The following OTX1 variants were observed in gnomAD, a reference collection of about 807,000 sequenced individuals.
OTX1 encodes homeobox protein OTX1.
A neutral mutation model predicts 26.7 loss-of-function variants in OTX1; 7 were observed. The ratio of observed to expected loss-of-function variants is 0.26; its 90% CI spans 0.15 to 0.49. OTX1 has a LOEUF of 0.49. Among genes scored for constraint, OTX1 ranks in the 20% least tolerant of loss-of-function variants. OTX1 has a pLI of 0.98. For missense variants in OTX1, 414 were observed against 483.8 expected, an observed-to-expected ratio of 0.86 and a Z score of 1.35; for synonymous variants, 216 against 212.8, an observed-to-expected ratio of 1.01 and a Z score of -0.13.
chr2:63,050,273 G>C (rs571573492), upstream of OTX1: 7 of 152,338 alleles, frequency 4.6e-5, no homozygotes, highest in South Asian at 2.1e-4. Flanking sequence ...GCGCCGGCAC[G>C]AGCAGCCCGC....
intron 4 of OTX1, 69 bp downstream of exon 4, chr2:63,054,267 C>A: frequency 6.8e-7 from 1 of 1,460,146 alleles, no homozygotes; most frequent in Non-Finnish European, 9.1e-7. Flanking sequence ...TCTAGGAAGG[C>A]TCTTGAGTAG....
chr2:63,050,859 T>C lies in OTX1; in HGVS notation c.-219T>C, dbSNP rs1290503944. ...AATCTTCATCAGGCTACATTTCCAA[T>C]CACCTAAACAACCGAGCAAGACAAG... On this transcript the variant is annotated 5_prime_UTR_variant, in exon 1 of 5. Transcript: ENST00000282549. 1 of 152,184 alleles carries C rather than the reference T, an allele frequency of 6.6e-6. No individual in the cohort carries two copies. The highest frequency in any genetic ancestry group is 2.4e-5 in the African/African-American group (1 of 41,428). 9.4% of individuals were successfully genotyped at this position (152,184 alleles called of 1,614,324 possible).
Position 63,055,587 on chromosome 2 carries a change from C to T in OTX1, c.336C>T (p.Ser112=). 6.2e-7 allele frequency: 1 copy of T among 1,614,174 alleles called. No homozygotes were observed. Residue 112 remains serine (S), a synonymous_variant, in exon 5 of 5, where the codon TCC becomes TCT. Transcript: ENST00000282549. The surrounding 1 kb of genome is among the most constrained non-coding windows in gnomAD (Gnocchi z 5.2). ...GTKSRPAKKK[S]SPVRESSGSE... is the part of the protein sequence containing the mutation. ...AGAGCCGCCCAGCCAAGAAGAAGTC[C>T]TCTCCAGTGCGGGAGAGCTCGGGCT...
chr2:63,053,963 G>A, intron 3 of OTX1, 84 bp from the exon 4 acceptor site: 1 of 1,479,902 alleles, frequency 6.8e-7, no homozygotes, highest in Non-Finnish European at 9.1e-7. Context: ...CCGAGATCTG[G>A]GCCTGCCAGG....
In OTX1 at chr2:63,057,236, C is replaced by CT. The variant is rs2062075326; in HGVS notation, c.*925dup. On this transcript the variant is annotated 3_prime_UTR_variant, in exon 5 of 5. Transcript: ENST00000282549. ...TTCTGCTCTTCCTCAATCAATGGCG[C>CT]TTTTTCTTTTTCAGTTGTTGCAAAG... 1 of 152,194 alleles carries CT rather than the reference C, an allele frequency of 6.6e-6. No individual in the cohort carries two copies. The highest frequency in any genetic ancestry group is 1.5e-5 in the Non-Finnish European group (1 of 68,064). 9.4% of individuals were successfully genotyped at this position (152,194 alleles called of 1,614,324 possible). A position where few individuals can be genotyped will look rare whatever the true frequency, so the allele number is the denominator to read the frequency against.
chr2:63,055,809 A>T lies in OTX1; in HGVS notation c.558A>T (p.Ser186=), dbSNP rs1342640997. 2 of 1,612,238 alleles carry T rather than the reference A, an allele frequency of 1.2e-6. No individual in the cohort carries two copies. Among genetic ancestry groups the T allele is most frequent in the Non-Finnish European group, 1.7e-6 (2 of 1,179,676 alleles). The change falls in exon 5 of 5, where the codon TCA becomes TCT. Residue 186 remains serine, a synonymous_variant. Transcript: ENST00000282549. The surrounding 1 kb of genome is among the most constrained non-coding windows in gnomAD (Gnocchi z 5.2). ...IWSPASISPG[S]APASVSVPEP... is the part of the protein sequence containing the mutation. ...GCCCGGCCTCCATCTCGCCAGGCTC[A>T]GCGCCCGCGTCCGTGTCGGTGCCGG...
At chr2:63,052,365 C>A (rs750560853) in intron 2 of OTX1, among the ~76,000 whole-genome samples, 5 of 152,256 alleles carry the variant, frequency 3.3e-5, no homozygotes, top group Admixed American at 6.5e-5. Context: ...AGGGGCGCAG[C>A]CCTGGAGACC....
In OTX1 at chr2:63,055,361, G is replaced by C; in HGVS notation, c.250-140G>C. ...CGAGGTAGGGGGCAGGGTCTGGCCA[G>C]GCCAGAGACAGGAAGGGGCGGAGGC... On this transcript the variant is annotated intron_variant, in intron 4 of 4. Coordinates refer to ENST00000282549, the MANE Select transcript of OTX1 (RefSeq NM_014562.4). This position sits in a 1 kb window ranked among gnomAD's most constrained non-coding sequence, Gnocchi z 5.2. 1.1e-6 allele frequency: 1 copy of C among 894,076 alleles called. No individual in the cohort carries two copies. The highest frequency in any genetic ancestry group is 1.7e-6 in the Non-Finnish European group (1 of 598,330). 55.4% of individuals were successfully genotyped at this position (894,076 alleles called of 1,614,324 possible). A position where few individuals can be genotyped will look rare whatever the true frequency, so the allele number is the denominator to read the frequency against.
Position 63,056,128 on chromosome 2 carries a change from C to CACG in OTX1, c.879_880insGAC (p.His293_His294insAsp). 1.9e-6 allele frequency: 3 copies of CACG among 1,613,874 alleles called. No homozygotes were observed. Among genetic ancestry groups the CACG allele is most frequent in the Non-Finnish European group, 2.5e-6 (3 of 1,179,958 alleles). ...CCCGTTGAGCCAGTCCTCAGGCCACCACCACCACCATCACCACCACCACCA... is the reference window on the plus strand; with the variant it reads ...CCCGTTGAGCCAGTCCTCAGGCCACCACGACCACCACCATCACCACCACCACCA... On this transcript the variant is annotated inframe_insertion, in exon 5 of 5. Transcript: ENST00000282549.
At position 63,056,518 on chromosome 2, in the gene OTX1, C is replaced by A; in HGVS notation, c.*202C>A. ...GGGGATGTGCAAACCCACCCTGCCC[C>A]TTGGATGGGGGGACCGGTGCTTCGG... On this transcript the variant is annotated 3_prime_UTR_variant, in exon 5 of 5. Transcript: ENST00000282549. 1.6e-6 allele frequency: 1 copy of A among 606,288 alleles called. No homozygotes were observed. The highest frequency in any genetic ancestry group is 2.9e-6 in the Non-Finnish European group (1 of 343,240). The allele number at this position is 606,288 out of a possible 1,614,324, so 37.6% of individuals were successfully genotyped here. A position where few individuals can be genotyped will look rare whatever the true frequency, so the allele number is the denominator to read the frequency against.
Position 63,056,394 on chromosome 2 carries a change from G to A in OTX1, c.*78G>A, listed in dbSNP as rs2062068297. 7.9e-7 allele frequency: 1 copy of A among 1,260,028 alleles called. No homozygotes were observed. Among genetic ancestry groups the A allele is most frequent in the Non-Finnish European group, 1.1e-6 (1 of 896,684 alleles). 78.1% of individuals were successfully genotyped at this position (1,260,028 alleles called of 1,614,324 possible). On this transcript the variant is annotated 3_prime_UTR_variant, in exon 5 of 5. Transcript: ENST00000282549. ...CCGATCCTGTTGCTGCTGCTGCACCGCCCGCCTTTGCCTCGTCTTCTCCAA... is the reference window on the plus strand; with the variant it reads ...CCGATCCTGTTGCTGCTGCTGCACCACCCGCCTTTGCCTCGTCTTCTCCAA...
rs1391734982 is a variant in OTX1, at chr2:63,055,488, C to T, written c.250-13C>T. ...TCCCTTTGACCCACTCTCCCCCATCCGGCCCACTGCAGGTCTGGTTCAAGA... is the reference window on the plus strand; with the variant it reads ...TCCCTTTGACCCACTCTCCCCCATCTGGCCCACTGCAGGTCTGGTTCAAGA... On this transcript the variant is annotated splice_polypyrimidine_tract_variant and intron_variant, in intron 4 of 4. Transcript: ENST00000282549. This position sits in a 1 kb window ranked among gnomAD's most constrained non-coding sequence, Gnocchi z 5.2. 4 of 1,607,260 alleles carry T rather than the reference C, an allele frequency of 2.5e-6. No individual in the cohort carries two copies. The Admixed American group carries it at 6.7e-5, about 27-fold the overall frequency.
rs992324353 is a variant in OTX1 at position 63,057,186 on chromosome 2, A to C, written c.*870A>C. On this transcript the variant is annotated 3_prime_UTR_variant, in exon 5 of 5. Coordinates refer to ENST00000282549, the MANE Select transcript of OTX1 (RefSeq NM_014562.4). ...ACATATATAAAAAACAAAAGCAAAA[A>C]ATATTTTCCCTCTGTCCGTCCCCCT... is the stretch of plus-strand genomic sequence containing the variant. The C allele has an allele frequency of 1.3e-5, 2 of 151,858 alleles. No individual in the cohort carries two copies. The highest frequency in any genetic ancestry group is 4.8e-5 in the African/African-American group (2 of 41,334). 9.4% of individuals were successfully genotyped at this position (151,858 alleles called of 1,614,324 possible).
intron 3 of OTX1, chr2:63,053,323 CG>C: frequency 2.3e-6 from 1 of 436,380 alleles, no homozygotes; most frequent in Non-Finnish European, 4.0e-6. Flanking sequence ...GCCGGATCAC[CG>C]GCAACCTTTC....
Position 63,056,440 on chromosome 2 carries a change from A to C in OTX1, c.*124A>C. 1.1e-6 allele frequency: 1 copy of C among 887,538 alleles called. No individual in the cohort carries two copies. Among genetic ancestry groups the C allele is most frequent in the Non-Finnish European group, 1.7e-6 (1 of 590,182 alleles). 55.0% of individuals were successfully genotyped at this position (887,538 alleles called of 1,614,324 possible). On this transcript the variant is annotated 3_prime_UTR_variant, in exon 5 of 5. Transcript: ENST00000282549. ...TCCAAAACTGAATTTTCACCCCCCA[A>C]AAAGATGTCCATTGCCTGCACTGCC...
At chr2:63,051,811 TGGC>T (rs1163478941) in intron 2 of OTX1, 1 of 152,608 alleles carries the variant, frequency 6.6e-6, no homozygotes, top group Non-Finnish European at 1.5e-5. Context: ...GGTGTAGCGA[TGGC>T]CCCCCAGGGC....
At chr2:63,053,991 T>C in intron 3 of OTX1, 56 bp from the exon 4 acceptor site, 1 of 1,586,930 alleles carries the variant, frequency 6.3e-7, no homozygotes, top group South Asian at 1.1e-5. Context: ...CCGAGTCCTC[T>C]ATCGCGGGTC....
In OTX1 at chr2:63,057,280, ATCT is replaced by A. The variant is rs1250261720; in HGVS notation, c.*968_*970del. 1.3e-5 allele frequency: 2 copies of A among 152,116 alleles called. No homozygotes were observed. Among genetic ancestry groups the A allele is most frequent in the Admixed American group, 6.5e-5 (1 of 15,274 alleles). The allele number at this position is 152,116 out of a possible 1,614,324, so 9.4% of individuals were successfully genotyped here. A position where few individuals can be genotyped will look rare whatever the true frequency, so the allele number is the denominator to read the frequency against. On this transcript the variant is annotated 3_prime_UTR_variant, in exon 5 of 5. Coordinates refer to ENST00000282549, the MANE Select transcript of OTX1 (RefSeq NM_014562.4). ...TGCAAAGCTGCCCTGCCCTCTTCAC[ATCT>A]TCTCCCTCTGTGTATTTATTGAAGA... is the stretch of plus-strand genomic sequence containing the variant.
intron 4 of OTX1, 147 bp downstream of exon 4, chr2:63,054,345 C>A (rs2062048626): frequency 1.3e-6 from 1 of 757,270 alleles, no homozygotes; most frequent in Non-Finnish European, 1.9e-6. Flanking sequence ...CTCCCCCTAG[C>A]GCTGGGCCCC....
Sources: gnomAD v4.1 joint callset for allele counts (sites outside exome capture counted in the v4.1 genomes callset) on GRCh38, gnomAD v4.1.1 for gene constraint, Gnocchi (gnomAD v3.1) non-coding constraint, MANE v1.5 for transcripts, NCBI Gene and HGNC (gene_info 2026-07-23, HGNC 2026-07-21) for gene names.